PLD5: variants seen among roughly 807,000 people sequenced by gnomAD.
PLD5 encodes inactive phospholipase D5.
PLD5 carries 36 observed loss-of-function variants against 61.1 expected under a neutral mutation model. That is an observed-to-expected ratio of 0.59 (90% confidence interval 0.45 to 0.78). PLD5 has a LOEUF of 0.78. Ranked by LOEUF, PLD5 falls within the 30% of genes least tolerant of loss-of-function variation. PLD5 has a pLI of 0.00. For missense variants in PLD5, 515 were observed against 644.4 expected (o/e 0.80, Z 2.17); for synonymous variants, 243 against 242.8 (o/e 1.00, Z -0.01).
chr1:242,398,044 A>G (rs777202762), intron 1 of PLD5, among the ~76,000 whole-genome samples: 2 of 152,208 alleles, frequency 1.3e-5, no homozygotes, highest in Non-Finnish European at 2.9e-5. Flanking sequence ...GTCTTTTCCA[A>G]ACTAGGGCTT....
In PLD5 at chr1:242,463,339, G is replaced by C. The variant is rs181330119; in HGVS notation, c.189+60749C>G. 4.9e-3 allele frequency among the ~76,000 whole-genome samples: 750 copies of C among 152,262 alleles called. 3 individuals are homozygous for C. The highest frequency in any genetic ancestry group is 7.1e-3 in the Non-Finnish European group (482 of 68,016). ...ACTTGCTTGTCATCCAGCCTTCAAT[G>C]CCTCCAACTCTGTACTCCTGAACTG... On this transcript the variant is annotated intron_variant, in intron 1 of 9. Transcript: ENST00000536534.
intron 6 of PLD5, among the ~76,000 whole-genome samples, chr1:242,123,772 G>C (rs1662568659): frequency 6.6e-6 from 1 of 152,214 alleles, no homozygotes; most frequent in Non-Finnish European, 1.5e-5. Context: ...TTGAGGACTA[G>C]GACTGTAGGC....
At chr1:242,456,967 C>T (rs1572185106) in intron 1 of PLD5, among the ~76,000 whole-genome samples, 1 of 152,202 alleles carries the variant, frequency 6.6e-6, no homozygotes, top group African/African-American at 2.4e-5. Context: ...AGGAAAATCT[C>T]TATGATAAAA....
At chr1:242,214,267 C>G (rs544299840) in intron 5 of PLD5, among the ~76,000 whole-genome samples, 1 of 152,298 alleles carries the variant, frequency 6.6e-6, no homozygotes, top group South Asian at 2.1e-4. Context: ...CTTACTAGCA[C>G]TCAGAGAACT....
chr1:242,262,591 G>A (rs1673435533), intron 4 of PLD5, among the ~76,000 whole-genome samples: 3 of 152,138 alleles, frequency 2.0e-5, no homozygotes, highest in African/African-American at 7.2e-5. Flanking sequence ...CTTAAGCAAA[G>A]TATTAAGAGA....
intron 5 of PLD5, among the ~76,000 whole-genome samples, chr1:242,132,918 C>T (rs1663403564): frequency 6.6e-6 from 1 of 151,962 alleles, no homozygotes; most frequent in African/African-American, 2.4e-5. Context: ...GGAAGGGAAC[C>T]TAAGACTGAT....
chr1:242,401,971 G>A (rs1663959010), intron 1 of PLD5, among the ~76,000 whole-genome samples: 1 of 152,160 alleles, frequency 6.6e-6, no homozygotes, highest in Admixed American at 6.5e-5. Context: ...ATGTTCTAAG[G>A]TCAAAGGAAA....
intron 4 of PLD5, among the ~76,000 whole-genome samples, chr1:242,246,504 C>CACAG (rs980343550): frequency 2.6e-5 from 4 of 151,854 alleles, no homozygotes; most frequent in Admixed American, 1.3e-4. Flanking sequence ...CACACACACA[C>CACAG]ACACACACAC....
At chr1:242,126,354 G>A (rs971059383) in intron 5 of PLD5, among the ~76,000 whole-genome samples, 13 of 152,166 alleles carry the variant, frequency 8.5e-5, no homozygotes, top group African/African-American at 3.1e-4. Context: ...ATAGGCCAAA[G>A]CAAGACTAAG....
chr1:242,459,938 A>G (rs889475806), intron 1 of PLD5, among the ~76,000 whole-genome samples: 1 of 152,104 alleles, frequency 6.6e-6, no homozygotes. Context: ...GGGTTAAAGC[A>G]TACTCCCTTC....
intron 5 of PLD5, among the ~76,000 whole-genome samples, chr1:242,186,102 T>C (rs1667858341): frequency 6.6e-6 from 1 of 152,170 alleles, no homozygotes. Context: ...TCAATTTTAA[T>C]ATATTGGTTG....
intron 4 of PLD5, among the ~76,000 whole-genome samples, chr1:242,233,430 G>A (rs10803027): frequency 0.21 from 31,590 of 151,986 alleles, 3,646 homozygotes; most frequent in East Asian, 0.38. Flanking sequence ...GCCCTAGAGA[G>A]ATGTTCCTCT....
chr1:242,096,986 G>A (rs914805653), intron 9 of PLD5, among the ~76,000 whole-genome samples: 5 of 150,654 alleles, frequency 3.3e-5, no homozygotes, highest in African/African-American at 1.2e-4. Context: ...ACCTATGAGT[G>A]AGAACATGCG....
intron 3 of PLD5, 38 bp from the exon 4 acceptor site, chr1:242,265,486 C>A (rs777248438): frequency 7.8e-6 from 12 of 1,529,106 alleles, no homozygotes; most frequent in Non-Finnish European, 9.8e-6. Context: ...AGTCAGAAAA[C>A]CTAAATGTTT....
intron 1 of PLD5, among the ~76,000 whole-genome samples, chr1:242,449,184 G>C (rs961551245): frequency 6.6e-6 from 1 of 152,182 alleles, no homozygotes; most frequent in Non-Finnish European, 1.5e-5. Flanking sequence ...CAAAAAATCA[G>C]TGCTCTGGTG....
chr1:242,295,676 C>T (rs1416158063), intron 2 of PLD5, among the ~76,000 whole-genome samples: 12 of 152,192 alleles, frequency 7.9e-5, no homozygotes, highest in Admixed American at 7.9e-4. Context: ...ATTGCTGGGT[C>T]AAATAGTAAT....
chr1:242,528,636 A>G (rs1011588961), upstream of PLD5, among the ~76,000 whole-genome samples: 2 of 152,190 alleles, frequency 1.3e-5, no homozygotes, highest in Non-Finnish European at 2.9e-5. Flanking sequence ...CACATATCAC[A>G]TTTACTCCTT....
chr1:242,276,518 G>C (rs1272965946), intron 3 of PLD5, among the ~76,000 whole-genome samples: 1 of 148,898 alleles, frequency 6.7e-6, no homozygotes, highest in Non-Finnish European at 1.5e-5. Flanking sequence ...TGATGAACCT[G>C]CTGATTAGGC....
chr1:242,248,037 T>C (rs758203658), intron 4 of PLD5, among the ~76,000 whole-genome samples: 16 of 152,226 alleles, frequency 1.1e-4, no homozygotes, highest in Non-Finnish European at 2.4e-4. Context: ...TGCTGCTTTT[T>C]ATCAAGTTGG....
Sources: gnomAD v4.1 joint callset for allele counts (sites outside exome capture counted in the v4.1 genomes callset) on GRCh38, gnomAD v4.1.1 for gene constraint, MANE v1.5 for transcripts, NCBI Gene and HGNC (gene_info 2026-07-23, HGNC 2026-07-21) for gene names.